Variants in SLC8A1 observed in about 807,000 individuals in gnomAD.
The protein encoded by SLC8A1 is solute carrier family 8 member A1.
SLC8A1 carries 18 observed loss-of-function variants against 68.3 expected under a neutral mutation model. That is an observed-to-expected ratio of 0.26 (90% CI 0.18 to 0.39). The LOEUF (loss-of-function observed/expected upper bound fraction) is 0.39, where lower values mean the gene tolerates loss of function less well. SLC8A1 is among the 10% of genes least tolerant of loss of function. SLC8A1 has a pLI of 1.00. For missense variants in SLC8A1, 985 were observed against 1,156.7 expected (o/e 0.85, Z 2.15); for synonymous variants, 475 against 415.5 (o/e 1.14, Z -1.74).
intron 2 of SLC8A1, among the ~76,000 whole-genome samples, chr2:40,423,607 G>A (rs564567829): frequency 6.6e-6 from 1 of 152,068 alleles, no homozygotes; most frequent in South Asian, 2.1e-4. Context: ...GCTGAACTAT[G>A]AAATCTCAAT....
intron 2 of SLC8A1, among the ~76,000 whole-genome samples, chr2:40,341,314 G>T (rs567444817): frequency 3.3e-5 from 5 of 152,252 alleles, no homozygotes; most frequent in African/African-American, 1.2e-4. Flanking sequence ...AAGTAAATAA[G>T]TAAATAAATA....
At chr2:40,365,083 C>T (rs558164197) in intron 2 of SLC8A1, among the ~76,000 whole-genome samples, 2 of 151,996 alleles carry the variant, frequency 1.3e-5, no homozygotes, top group Non-Finnish European at 2.9e-5. Context: ...CCCACACTGG[C>T]CATGTTCTCC....
intron 2 of SLC8A1, among the ~76,000 whole-genome samples, chr2:40,422,896 T>A (rs1418843032): frequency 6.6e-6 from 1 of 152,052 alleles, no homozygotes; most frequent in African/African-American, 2.4e-5. Context: ...TTGAAAAAAA[T>A]TAATCTCTCT....
Position 40,252,996 on chromosome 2 carries a change from T to G in SLC8A1, c.1809-75141A>C, listed in dbSNP as rs141170491. On this transcript the variant is annotated intron_variant, in intron 2 of 7. Transcript: ENST00000406785. ...ACATATATGTATCTGTATATATGTA[T>G]ATACATATATATGTATCTGTATATA... 3.8e-3 allele frequency among the ~76,000 whole-genome samples: 544 copies of G among 141,594 alleles called. 3 individuals carry two copies. The highest frequency in any genetic ancestry group is 5.2e-3 in the Non-Finnish European group (338 of 64,734). 92.9% of individuals were successfully genotyped at this position (141,594 alleles called of 152,430 possible).
chr2:40,321,638 T>A (rs2149341938), intron 2 of SLC8A1, among the ~76,000 whole-genome samples: 1 of 152,174 alleles, frequency 6.6e-6, no homozygotes, highest in Admixed American at 6.5e-5. Flanking sequence ...CATGGTGGCA[T>A]AAAGGAGAAG....
intron 2 of SLC8A1, among the ~76,000 whole-genome samples, chr2:40,228,448 G>A (rs1434721524): frequency 1.3e-5 from 2 of 152,192 alleles, no homozygotes; most frequent in Admixed American, 6.5e-5. Flanking sequence ...GCCAACTGGA[G>A]GCAGCTGCAG....
chr2:40,485,614 T>G lies in SLC8A1; in HGVS notation c.-25+26735A>C, dbSNP rs547340598. Among the ~76,000 whole-genome samples, 8 of 152,282 alleles carry G rather than the reference T, an allele frequency of 5.3e-5. 1 individual carries two copies. In the South Asian group the frequency reaches 1.0e-3, roughly 20 times the overall value. The stretch of plus-strand genomic sequence containing the variant: ...TTATTTCAACAATCATTGTGGTCAT[T>G]TTGCTCTGATTTCTCCCATCAGATG... On this transcript the variant is annotated intron_variant, in intron 1 of 7. Transcript: ENST00000402441.
chr2:40,254,698 A>C (rs2063598370), intron 2 of SLC8A1: 1 of 152,246 alleles, frequency 6.6e-6, no homozygotes, highest in Non-Finnish European at 1.5e-5. Context: ...GATCTGAATA[A>C]CTAACTGGTC....
intron 2 of SLC8A1, chr2:40,223,614 T>G (rs999290174): frequency 1.3e-5 from 2 of 152,082 alleles, no homozygotes; most frequent in Non-Finnish European, 2.9e-5. Context: ...TCTCTATTCC[T>G]TTTCTTTCTC....
chr2:40,433,895 T>C (rs1430478186), intron 1 of SLC8A1, among the ~76,000 whole-genome samples: 1 of 152,114 alleles, frequency 6.6e-6, no homozygotes, highest in Non-Finnish European at 1.5e-5. Flanking sequence ...TTGTGGAAGG[T>C]TTCCAATAGC....
chr2:40,213,775 C>G (rs910619548), intron 2 of SLC8A1, among the ~76,000 whole-genome samples: 1 of 152,206 alleles, frequency 6.6e-6, no homozygotes, highest in Non-Finnish European at 1.5e-5. Context: ...TGCATCAATT[C>G]TCTCACACTG....
chr2:40,129,234 AT>A (rs66846961), intron 7 of SLC8A1, among the ~76,000 whole-genome samples: 26,358 of 143,842 alleles, frequency 0.18, 2,335 homozygotes, highest in African/African-American at 0.22. Context: ...GAGATGTTTC[AT>A]TTTTTTTTTT....
At chr2:40,184,892 CAAAAACAAAAA>C (rs1482939790) in intron 2 of SLC8A1, among the ~76,000 whole-genome samples, 15,846 of 51,630 alleles carry the variant, frequency 0.31, 567 homozygotes, top group African/African-American at 0.33. Flanking sequence ...ACAAACTAAC[CAAAAACAAAAA>C]AAAAAAAAAA....
chr2:40,417,589 A>G (rs1221533825), intron 2 of SLC8A1, among the ~76,000 whole-genome samples: 2 of 152,056 alleles, frequency 1.3e-5, no homozygotes, highest in African/African-American at 4.8e-5. Context: ...GCTCACTGCA[A>G]CCTAGACCTC....
chr2:40,316,800 G>C (rs945537584), intron 2 of SLC8A1, among the ~76,000 whole-genome samples: 4 of 151,942 alleles, frequency 2.6e-5, no homozygotes, highest in Non-Finnish European at 5.9e-5. Context: ...ACATTACCCA[G>C]TGGTGGCCCA....
At chr2:40,418,359 T>C (rs1301465478) in intron 2 of SLC8A1, among the ~76,000 whole-genome samples, 3 of 152,204 alleles carry the variant, frequency 2.0e-5, no homozygotes, top group African/African-American at 7.2e-5. Context: ...GCTTATAGCA[T>C]CCCAGAAACA....
intron 2 of SLC8A1, among the ~76,000 whole-genome samples, chr2:40,277,738 G>A (rs2066908211): frequency 7.2e-6 from 1 of 139,172 alleles, no homozygotes; most frequent in African/African-American, 2.7e-5. Context: ...CCAAAAACTA[G>A]GAACAAAAGC....
intron 2 of SLC8A1, among the ~76,000 whole-genome samples, chr2:40,399,321 T>C (rs1687967752): frequency 6.6e-6 from 1 of 151,924 alleles, no homozygotes; most frequent in Non-Finnish European, 1.5e-5. Context: ...TCGTCTCCCC[T>C]ACCCCTCGTC....
chr2:40,114,599 A>G lies in SLC8A1; in HGVS notation c.*654T>C, dbSNP rs570921666. 3.3e-5 allele frequency: 5 copies of G among 152,796 alleles called. No homozygotes were observed. The East Asian group carries it at 7.5e-4, about 23-fold the overall frequency. The allele number at this position is 152,796 out of a possible 1,614,324, so 9.5% of individuals were successfully genotyped here. On this transcript the variant is annotated 3_prime_UTR_variant, in exon 8 of 8. Transcript: ENST00000406785. ...GTATCACATGTTTAAATATCAGACT[A>G]TTTCTAGAACCATCGGATTTCCTGG...
Sources: allele counts gnomAD v4.1 joint callset (sites outside exome capture counted in the v4.1 genomes callset), GRCh38; gene constraint gnomAD v4.1.1; transcripts MANE v1.5; gene names NCBI Gene and HGNC (gene_info 2026-07-23, HGNC 2026-07-21).